Variants in ASXL2 observed in about 807,000 individuals in gnomAD.
The protein encoded by ASXL2 is putative Polycomb group protein ASXL2.
Under a neutral mutation model 122.0 loss-of-function variants are expected in ASXL2, and 23 were observed. That is an observed-to-expected ratio of 0.19 (90% CI 0.14 to 0.27). ASXL2 has a LOEUF of 0.27. ASXL2 is among the 10% of genes least tolerant of loss of function. The pLI, the probability that ASXL2 is intolerant of heterozygous loss-of-function variation, is 1.00. For missense variants in ASXL2, 1,518 were observed against 1,713.8 expected, an observed-to-expected ratio of 0.89 and a Z score of 2.02; for synonymous variants, 650 against 637.0, an observed-to-expected ratio of 1.02 and a Z score of -0.31.
intron 4 of ASXL2, among the ~76,000 whole-genome samples, chr2:25,800,832 G>A (rs770522218): frequency 4.6e-5 from 7 of 152,070 alleles, no homozygotes; most frequent in Non-Finnish European, 7.4e-5. Context: ...TTAGAATCAC[G>A]CCCAACATAA....
At chr2:25,793,890 T>C (rs1017081266) in intron 5 of ASXL2, among the ~76,000 whole-genome samples, 1 of 152,154 alleles carries the variant, frequency 6.6e-6, no homozygotes, top group Non-Finnish European at 1.5e-5. Flanking sequence ...GTAGTCTAAC[T>C]ATCCAAAGCC....
chr2:25,809,949 A>C, intron 3 of ASXL2: 1 of 524,104 alleles, frequency 1.9e-6, no homozygotes, highest in Admixed American at 1.9e-5. Context: ...GGTCAAGCAG[A>C]GTCTGGTCCA....
chr2:25,816,312 G>A (rs1302190413), intron 3 of ASXL2, among the ~76,000 whole-genome samples: 2 of 152,104 alleles, frequency 1.3e-5, no homozygotes, highest in African/African-American at 2.4e-5. Flanking sequence ...CCAGGTTCCA[G>A]GCGTTAAAAG....
intron 1 of ASXL2, among the ~76,000 whole-genome samples, chr2:25,854,116 C>T (rs1451540124): frequency 6.6e-6 from 1 of 152,018 alleles, no homozygotes; most frequent in Non-Finnish European, 1.5e-5. Flanking sequence ...CCTAGGGGTC[C>T]CTCAATTCTG....
At chr2:25,850,280 A>G (rs1463875707) in intron 1 of ASXL2, among the ~76,000 whole-genome samples, 2 of 152,158 alleles carry the variant, frequency 1.3e-5, no homozygotes, top group African/African-American at 4.8e-5. Context: ...CACTTTTTTT[A>G]AACAGTTGGT....
intron 5 of ASXL2, among the ~76,000 whole-genome samples, chr2:25,795,154 C>T (rs983032324): frequency 6.6e-6 from 1 of 152,160 alleles, no homozygotes; most frequent in African/African-American, 2.4e-5. Context: ...CTTCTAGATA[C>T]CACACACCGC....
chr2:25,762,979 CTT>C (rs1158312420), intron 8 of ASXL2, among the ~76,000 whole-genome samples: 1 of 152,120 alleles, frequency 6.6e-6, no homozygotes, highest in African/African-American at 2.4e-5. Flanking sequence ...AGTAAAAAGA[CTT>C]GATGATCGAT....
At chr2:25,835,953 T>C (rs2089505437) in intron 2 of ASXL2, among the ~76,000 whole-genome samples, 1 of 152,232 alleles carries the variant, frequency 6.6e-6, no homozygotes, top group Non-Finnish European at 1.5e-5. Flanking sequence ...TTCCCTGTGA[T>C]ACATAATGGA....
chr2:25,775,613 C>G lies in ASXL2; in HGVS notation c.404-4073G>C, dbSNP rs558170047. Reference sequence around the variant, plus strand: ...TTTCCCTGCTCTTTCTCGCTTCTCTCTCCTGCCACCATGTGAAGTTGGTTG... The same window carrying G: ...TTTCCCTGCTCTTTCTCGCTTCTCTGTCCTGCCACCATGTGAAGTTGGTTG... On this transcript the variant is annotated intron_variant, in intron 5 of 12. Coordinates refer to ENST00000435504, the MANE Select transcript of ASXL2 (RefSeq NM_018263.6). Among the ~76,000 whole-genome samples the G allele has an allele frequency of 4.3e-4, 65 of 152,268 alleles. 1 individual carries two copies. Among genetic ancestry groups the G allele is most frequent in the Middle Eastern group, 3.4e-3 (1 of 294 alleles).
At chr2:25,774,376 T>C (rs1488918659) in intron 5 of ASXL2, among the ~76,000 whole-genome samples, 1 of 152,212 alleles carries the variant, frequency 6.6e-6, no homozygotes, top group African/African-American at 2.4e-5. Context: ...CACAGCTATC[T>C]TTTTGTGATC....
chr2:25,804,034 T>C (rs2089040136), intron 4 of ASXL2, among the ~76,000 whole-genome samples: 1 of 152,200 alleles, frequency 6.6e-6, no homozygotes, highest in Admixed American at 6.5e-5. Flanking sequence ...TAATAAATTT[T>C]TTAAACAGTA....
chr2:25,850,721 T>G (rs918837029), intron 1 of ASXL2, among the ~76,000 whole-genome samples: 2 of 152,240 alleles, frequency 1.3e-5, no homozygotes, highest in Non-Finnish European at 2.9e-5. Context: ...GATCACTATC[T>G]CCATCATTTT....
intron 6 of ASXL2, among the ~76,000 whole-genome samples, chr2:25,770,897 C>G (rs1217782261): frequency 6.6e-6 from 1 of 151,964 alleles, no homozygotes; most frequent in Non-Finnish European, 1.5e-5. Flanking sequence ...ACAAAAGATT[C>G]TGAGCAAACT....
chr2:25,853,932 T>C (rs537736865), intron 1 of ASXL2, among the ~76,000 whole-genome samples: 3 of 152,162 alleles, frequency 2.0e-5, no homozygotes, highest in South Asian at 4.2e-4. Context: ...TGCCTCTTTT[T>C]AAAAAAGGAT....
chr2:25,776,182 G>A (rs868343246), intron 5 of ASXL2, among the ~76,000 whole-genome samples: 3 of 152,042 alleles, frequency 2.0e-5, no homozygotes, highest in Non-Finnish European at 4.4e-5. Context: ...ATCTATGTCC[G>A]TGGTCCTAGG....
intron 1 of ASXL2, among the ~76,000 whole-genome samples, chr2:25,863,081 G>A (rs1328695164): frequency 2.0e-5 from 3 of 151,972 alleles, no homozygotes; most frequent in Non-Finnish European, 4.4e-5. Flanking sequence ...TTTAATCCCA[G>A]CACTCTGGAA....
rs1231064362 is a variant in ASXL2, at chr2:25,736,360, A to C, written c.*5669T>G. On this transcript the variant is annotated 3_prime_UTR_variant, in exon 13 of 13. Coordinates refer to ENST00000435504, the MANE Select transcript of ASXL2 (RefSeq NM_018263.6). The stretch of plus-strand genomic sequence containing the variant: ...ATAGGAGACCCATCTAAATAATGAT[A>C]AATATGTACCAGAAATGGGGAGTCA... The C allele has an allele frequency of 1.3e-5, 2 of 152,238 alleles. No individual in the cohort carries two copies. Among genetic ancestry groups the C allele is most frequent in the Non-Finnish European group, 2.9e-5 (2 of 68,044 alleles). The allele number at this position is 152,238 out of a possible 1,614,324, so 9.4% of individuals were successfully genotyped here.
chr2:25,752,659 C>A (rs1334990094), intron 11 of ASXL2, among the ~76,000 whole-genome samples: 1 of 151,234 alleles, frequency 6.6e-6, no homozygotes, highest in East Asian at 1.9e-4. Context: ...ACCAGCCTGG[C>A]CAACATGGTG....
At chr2:25,856,854 G>A (rs2089785473) in intron 1 of ASXL2, 8 of 847,264 alleles carry the variant, frequency 9.4e-6, no homozygotes, top group Non-Finnish European at 1.6e-5. Flanking sequence ...GAGGAACGAG[G>A]TCCAAGTGGC....
Sources: allele counts gnomAD v4.1 joint callset (sites outside exome capture counted in the v4.1 genomes callset), GRCh38; gene constraint gnomAD v4.1.1; transcripts MANE v1.5; gene names NCBI Gene and HGNC (gene_info 2026-07-23, HGNC 2026-07-21).